YAE1: variants seen among roughly 807,000 people sequenced by gnomAD.
The protein encoded by YAE1 is YAE1 maturation factor of ABCE1, also known as protein YAE1 homolog.
YAE1 carries 22 observed loss-of-function variants against 23.0 expected under a neutral mutation model. That is an observed-to-expected ratio of 0.96 (90% confidence interval 0.68 to 1.37). The LOEUF (loss-of-function observed/expected upper bound fraction) is 1.37, where lower values mean the gene tolerates loss of function less well. Ranked by LOEUF, YAE1 falls within the 40% of genes most tolerant of loss-of-function variation. YAE1 has a pLI of 0.00. For missense variants in YAE1, 260 were observed against 262.1 expected (o/e 0.99, Z 0.06); for synonymous variants, 101 against 97.0 (o/e 1.04, Z -0.24).
chr7:39,578,426 T>A (rs2115792551), intron 2 of YAE1, among the ~76,000 whole-genome samples: 1 of 152,340 alleles, frequency 6.6e-6, no homozygotes, highest in South Asian at 2.1e-4. Context: ...TTCCATGTTG[T>A]GGAAGCTTTG....
At chr7:39,596,194 A>T (rs1790969863) in intron 2 of YAE1, among the ~76,000 whole-genome samples, 1 of 151,284 alleles carries the variant, frequency 6.6e-6, no homozygotes, top group South Asian at 2.1e-4. Context: ...TAAGTCACTT[A>T]TTTTTTTTTC....
downstream of YAE1, among the ~76,000 whole-genome samples, chr7:39,611,619 C>T (rs1178917567): frequency 1.3e-5 from 2 of 152,212 alleles, no homozygotes; most frequent in Non-Finnish European, 2.9e-5. Context: ...CAAACCCCTG[C>T]CCAAGGTTGC....
At chr7:39,577,428 C>A (rs10085508), downstream of YAE1, among the ~76,000 whole-genome samples, 9,034 of 152,248 alleles carry the variant, frequency 0.059, 550 homozygotes, top group African/African-American at 0.15. Context: ...CCCTCCCCTC[C>A]CAGGGAGGTG....
rs1350749145 is a variant in YAE1 at position 39,567,190 on chromosome 7, A to AT, written c.129+644dup. ...ATAGTGAGGTCCACATCCACTTAAT[A>AT]TATTTGCCAACCATTAAATTGCCGC... On this transcript the variant is annotated intron_variant, in intron 1 of 2. Transcript: ENST00000223273. 2.6e-5 allele frequency among the ~76,000 whole-genome samples: 4 copies of AT among 152,320 alleles called. No individual in the cohort carries two copies. In the East Asian group the frequency reaches 7.7e-4, roughly 29 times the overall value.
chr7:39,610,157 T>G (rs547888186), exon 3 of YAE1: 2 of 793,378 alleles, frequency 2.5e-6, no homozygotes, highest in East Asian at 2.7e-5. Flanking sequence ...AAGAGAAGAT[T>G]TGGGAGGAGT....
chr7:39,585,671 T>C (rs1790805474), intron 2 of YAE1, among the ~76,000 whole-genome samples: 1 of 152,256 alleles, frequency 6.6e-6, no homozygotes, highest in African/African-American at 2.4e-5. Context: ...CACAACTTCC[T>C]TTTATAGAAA....
downstream of YAE1, among the ~76,000 whole-genome samples, chr7:39,575,724 A>G (rs996628685): frequency 6.6e-6 from 1 of 152,170 alleles, no homozygotes; most frequent in African/African-American, 2.4e-5. Context: ...CTGAACAAAC[A>G]TGCTGGAGCA....
intron 2 of YAE1, among the ~76,000 whole-genome samples, chr7:39,580,991 A>G (rs1224498630): frequency 6.6e-6 from 1 of 152,194 alleles, no homozygotes; most frequent in African/African-American, 2.4e-5. Context: ...AAGCATCTCT[A>G]CTTGCCAAGC....
chr7:39,566,731 G>A (rs1790475020), intron 1 of YAE1, 184 bp downstream of exon 1: 2 of 843,940 alleles, frequency 2.4e-6, no homozygotes, highest in African/African-American at 1.7e-5. Context: ...AAAACAACAA[G>A]ACGCATTCTT....
chr7:39,581,855 G>A (rs1473989262), intron 2 of YAE1, among the ~76,000 whole-genome samples: 4 of 151,738 alleles, frequency 2.6e-5, no homozygotes, highest in African/African-American at 9.7e-5. Context: ...CTGGGTAACA[G>A]AGTGAGACCC....
intron 2 of YAE1, among the ~76,000 whole-genome samples, chr7:39,578,203 A>C (rs1790685850): frequency 6.6e-6 from 1 of 152,214 alleles, no homozygotes; most frequent in African/African-American, 2.4e-5. Context: ...GTGTCTAGCT[A>C]ATCTGGTAGG....
intron 2 of YAE1, among the ~76,000 whole-genome samples, chr7:39,596,410 G>C (rs1260398761): frequency 1.3e-5 from 2 of 151,864 alleles, no homozygotes; most frequent in Non-Finnish European, 2.9e-5. Context: ...GCTAATTTTT[G>C]TATTTTTAGT....
chr7:39,587,817 A>G (rs1485467198), intron 2 of YAE1, among the ~76,000 whole-genome samples: 2 of 152,228 alleles, frequency 1.3e-5, no homozygotes, highest in African/African-American at 4.8e-5. Context: ...AAGGCAGTAC[A>G]GGGAGCATTA....
intron 2 of YAE1, among the ~76,000 whole-genome samples, chr7:39,599,111 A>T (rs1791018416): frequency 6.6e-6 from 1 of 152,014 alleles, no homozygotes; most frequent in Admixed American, 6.5e-5. Context: ...GAGGTGGTGC[A>T]TGGCTATAAT....
intron 2 of YAE1, 42 bp from the exon 3 acceptor site, chr7:39,572,235 G>C: frequency 1.3e-6 from 2 of 1,533,038 alleles, no homozygotes; most frequent in Non-Finnish European, 1.8e-6. Flanking sequence ...ATATTTTTAA[G>C]TCCTATTTTG....
chr7:39,588,384 T>C (rs1332718152), intron 2 of YAE1, among the ~76,000 whole-genome samples: 9 of 151,794 alleles, frequency 5.9e-5, no homozygotes, highest in Admixed American at 3.9e-4. Flanking sequence ...TGGTGGCGTG[T>C]GCCTGTAATC....
At chr7:39,609,180 G>A (rs1010891191) in intron 2 of YAE1, among the ~76,000 whole-genome samples, 1 of 152,202 alleles carries the variant, frequency 6.6e-6, no homozygotes, top group East Asian at 1.9e-4. Context: ...AGAATAACCA[G>A]GCCAGTGATC....
chr7:39,610,103 C>A, exon 3 of YAE1: 1 of 1,222,374 alleles, frequency 8.2e-7, no homozygotes, highest in Non-Finnish European at 1.1e-6. Context: ...CCACCTTGGC[C>A]CTCCGGCAAG....
intron 2 of YAE1, chr7:39,570,873 A>G (rs1195379074): frequency 1.2e-5 from 5 of 401,686 alleles, no homozygotes; most frequent in Non-Finnish European, 2.2e-5. Flanking sequence ...TACTTCTGCT[A>G]CCTGAACAAT....
Sources: gnomAD v4.1 joint callset for allele counts (sites outside exome capture counted in the v4.1 genomes callset) on GRCh38, gnomAD v4.1.1 for gene constraint, MANE v1.5 for transcripts, NCBI Gene and HGNC (gene_info 2026-07-23, HGNC 2026-07-21) for gene names.